SRM: variants seen among roughly 807,000 people sequenced by gnomAD.
SRM encodes the protein spermidine synthase.
Under a neutral mutation model 39.3 loss-of-function variants are expected in SRM, and 14 were observed. The observed-to-expected ratio is 0.36, with a 90% CI of 0.24 to 0.56. The LOEUF is 0.56. Among genes scored for constraint, SRM ranks in the 20% least tolerant of loss-of-function variants. The pLI is 0.86. For missense variants in SRM, 244 were observed against 409.2 expected (o/e 0.60, Z 3.48); for synonymous variants, 195 against 173.1 (o/e 1.13, Z -0.99).
At chr1:11,057,474 T>A (rs1557683260) in intron 3 of SRM, among the ~76,000 whole-genome samples, 1 of 148,450 alleles carries the variant, frequency 6.7e-6, no homozygotes, top group Non-Finnish European at 1.5e-5. Flanking sequence ...TTTTTTTTTT[T>A]TTTTATTTTT....
intron 3 of SRM, among the ~76,000 whole-genome samples, chr1:11,057,208 CT>C (rs1638894075): frequency 6.6e-6 from 1 of 152,104 alleles, no homozygotes; most frequent in South Asian, 2.1e-4. Context: ...ACTCTGGTAC[CT>C]CCATTTCTCC....
Position 11,059,981 on chromosome 1 carries a change from C to G in SRM, c.-38G>C. On this transcript the variant is annotated 5_prime_UTR_variant, in exon 1 of 8. Transcript: ENST00000376957. ...GGCGGCGCGGGGCGCGGGCCCGGGA[C>G]TGCAGGCCGCGCGGCGCCGCAGCAC... 1 of 961,996 alleles carries G rather than the reference C, an allele frequency of 1.0e-6. No individual in the cohort carries two copies. The highest frequency in any genetic ancestry group is 1.2e-6 in the Non-Finnish European group (1 of 810,814). The allele number at this position is 961,996 out of a possible 1,614,324, so 59.6% of individuals were successfully genotyped here. A position where few individuals can be genotyped will look rare whatever the true frequency, so the allele number is the denominator to read the frequency against.
intron 6 of SRM, chr1:11,055,347 G>A (rs1638854311): frequency 4.9e-6 from 2 of 405,044 alleles, no homozygotes; most frequent in Admixed American, 8.7e-5. Flanking sequence ...GACCTCAAGT[G>A]ATCCGCCCAC....
intron 1 of SRM, chr1:11,059,563 A>C (rs1638940380): frequency 5.4e-6 from 5 of 924,572 alleles, no homozygotes; most frequent in Admixed American, 2.9e-5. Context: ...GAGGGCTGAC[A>C]CGTGGAGCGG....
At position 11,059,932 on chromosome 1, in the gene SRM, G is replaced by C. The variant is rs1638952664; in HGVS notation, c.12C>G (p.Gly4=). 1.7e-6 allele frequency: 2 copies of C among 1,194,038 alleles called. No homozygotes were observed. The highest frequency in any genetic ancestry group is 2.1e-6 in the Non-Finnish European group (2 of 965,632). 74.0% of individuals were successfully genotyped at this position (1,194,038 alleles called of 1,614,324 possible). A position where few individuals can be genotyped will look rare whatever the true frequency, so the allele number is the denominator to read the frequency against. Reference sequence around the variant, plus strand: ...GGCCGGAGGCGGCGGGGCCGTCGGGGCCGGGCTCCATGGCGGGCGGGCGGG... The same window carrying C: ...GGCCGGAGGCGGCGGGGCCGTCGGGCCCGGGCTCCATGGCGGGCGGGCGGG... The part of the protein sequence containing the change: MEP[G]PDGPAASGPA... Residue 4 remains glycine (G), a synonymous_variant, in exon 1 of 8, where the codon GGC becomes GGG. Coordinates refer to ENST00000376957, the MANE Select transcript of SRM (RefSeq NM_003132.3).
In SRM at chr1:11,059,894, C is replaced by T. The variant is rs1485589119; in HGVS notation, c.50G>A (p.Arg17His). 6 of 1,445,602 alleles carry T rather than the reference C, an allele frequency of 4.2e-6. No individual in the cohort carries two copies. The highest frequency in any genetic ancestry group is 4.0e-5 in the South Asian group (3 of 75,062). 89.5% of individuals were successfully genotyped at this position (1,445,602 alleles called of 1,614,324 possible). ...GCAGGTCTCGCGGAACCAGCCCTCG[C>T]GGATGGCGGCGGGGCCGGAGGCGGC... ...GPAASGPAAI[R>H]EGWFRETCSL... Residue 17 changes from arginine to histidine, a missense_variant, in exon 1 of 8, where the codon CGC becomes CAC. By Grantham distance (29) the Arg-to-His change is conservative. Transcript: ENST00000376957.
In SRM at chr1:11,054,949, G is replaced by T. The variant is rs767960416; in HGVS notation, c.888+13C>A. Reference sequence around the variant, plus strand: ...TCCCTGGGTCCCACCACCCAGCCCCGCAGGCCACCCACCTTGCGGGCAAAC... The same window carrying T: ...TCCCTGGGTCCCACCACCCAGCCCCTCAGGCCACCCACCTTGCGGGCAAAC... On this transcript the variant is annotated intron_variant, in intron 7 of 7. Coordinates refer to ENST00000376957, the MANE Select transcript of SRM (RefSeq NM_003132.3). This position sits in a 1 kb window ranked among gnomAD's most constrained non-coding sequence, Gnocchi z 4.8. 1.2e-6 allele frequency: 2 copies of T among 1,611,590 alleles called. No homozygotes were observed. The highest frequency in any genetic ancestry group is 1.9e-4 in the Middle Eastern group (1 of 5,144).
rs145615942 is a variant in SRM, at chr1:11,057,914, G to A, written c.381+886C>T. ...CCACCTCAGCCTCCCTAGTAGCTGG[G>A]TTTACAGACATGCACTACCATGCCC... On this transcript the variant is annotated intron_variant, in intron 3 of 7. Coordinates refer to ENST00000376957, the MANE Select transcript of SRM (RefSeq NM_003132.3). Among the ~76,000 whole-genome samples the A allele has an allele frequency of 4.3e-3, 653 of 152,172 alleles. 8 individuals carry two copies. Among genetic ancestry groups the A allele is most frequent in the African/African-American group, 0.012 (480 of 41,500 alleles).
rs1638867211 is a variant in SRM at position 11,055,802 on chromosome 1, G to A, written c.744C>T (p.Phe248=). Residue 248 remains phenylalanine, a synonymous_variant, in exon 6 of 8, where the codon TTC becomes TTT. Coordinates refer to ENST00000376957, the MANE Select transcript of SRM (RefSeq NM_003132.3). ...IPTYPSGQIG[F]MLCSKNPSTN... ...TCACCGGGTTCTTGCTGCACAGCATGAAGCCGATCTGGCCGCTGGGGTAGG... is the reference window on the plus strand; with the variant it reads ...TCACCGGGTTCTTGCTGCACAGCATAAAGCCGATCTGGCCGCTGGGGTAGG... 1.3e-6 allele frequency: 2 copies of A among 1,534,448 alleles called. No individual in the cohort carries two copies. The highest frequency in any genetic ancestry group is 1.8e-6 in the Non-Finnish European group (2 of 1,132,056).
chr1:11,054,992 G>C lies in SRM; in HGVS notation c.858C>G (p.Ala286=). The change falls in exon 7 of 8, where the codon GCC becomes GCG. Residue 286 remains alanine (A), a synonymous_variant. Coordinates refer to ENST00000376957, the MANE Select transcript of SRM (RefSeq NM_003132.3). This position sits in a 1 kb window ranked among gnomAD's most constrained non-coding sequence, Gnocchi z 4.8. ...GGGCAAACTCGGGCAGCACAAAGGC[G>C]GCGCGGTGCACGTCGGAGTTGTAGT... The part of the protein sequence containing the change: ...LKYYNSDVHR[A]AFVLPEFARK... The C allele has an allele frequency of 6.2e-7, 1 of 1,612,646 alleles. No homozygotes were observed. Among genetic ancestry groups the C allele is most frequent in the Non-Finnish European group, 8.5e-7 (1 of 1,179,918 alleles).
intron 2 of SRM, 48 bp from the exon 3 acceptor site, chr1:11,058,940 C>A: frequency 6.6e-7 from 1 of 1,515,620 alleles, no homozygotes; most frequent in Admixed American, 2.1e-5. Context: ...GGACTGGGAG[C>A]CCCCAGGCCC....
chr1:11,057,762 C>G (rs900652934), intron 3 of SRM, among the ~76,000 whole-genome samples: 8 of 151,484 alleles, frequency 5.3e-5, no homozygotes, highest in Admixed American at 5.3e-4. Flanking sequence ...TCAGACCATC[C>G]TTTGATGTCT....
intron 6 of SRM, chr1:11,055,288 G>A (rs1179909843): frequency 4.7e-6 from 3 of 644,612 alleles, no homozygotes; most frequent in African/African-American, 3.9e-5. Flanking sequence ...TTTGTATTTT[G>A]AGTAGTGATG....
Position 11,056,642 on chromosome 1 carries a change from G to C in SRM, c.497C>G (p.Ala166Gly). ...GGAGTCAGTGATGATCACGTCGAAG[G>C]CATCCTGATTCTGTTTCATGAACTC... Reference protein sequence around the residue: ...GFEFMKQNQDAFDVIITDSSD... With the variant: ...GFEFMKQNQDGFDVIITDSSD... Residue 166 changes from alanine to glycine, a missense_variant, in exon 4 of 8, where the codon GCC becomes GGC. By Grantham distance (60) the Ala-to-Gly change is moderately conservative (BLOSUM62 0). Transcript: ENST00000376957. 2 of 1,614,172 alleles carry C rather than the reference G, an allele frequency of 1.2e-6. No homozygotes were observed. The highest frequency in any genetic ancestry group is 1.7e-6 in the Non-Finnish European group (2 of 1,180,034).
At chr1:11,055,710 C>A (rs1018374460) in intron 6 of SRM, 71 bp downstream of exon 6, 17 of 1,491,964 alleles carry the variant, frequency 1.1e-5, no homozygotes, top group East Asian at 2.5e-5. Context: ...CCACCGCGCC[C>A]GGCAGGGGCA....
chr1:11,059,277 TAGG>T lies in SRM; in HGVS notation c.233_235del (p.Ser78del). Reference sequence around the variant, plus strand: ...AGGCAGGTTGGCGATCATCTCCTGGTAGGAGAACTCGTCTCTCTCCGTGCACTG... The same window carrying T: ...AGGCAGGTTGGCGATCATCTCCTGGTAGAACTCGTCTCTCTCCGTGCACTG... On this transcript the variant is annotated inframe_deletion, in exon 2 of 8. Transcript: ENST00000376957. The T allele has an allele frequency of 6.2e-7, 1 of 1,613,552 alleles. No individual in the cohort carries two copies. Among genetic ancestry groups the T allele is most frequent in the Non-Finnish European group, 8.5e-7 (1 of 1,179,968 alleles).
At chr1:11,058,632 G>A (rs574405664) in intron 3 of SRM, 168 bp downstream of exon 3, 173 of 521,740 alleles carry the variant, frequency 3.3e-4, no homozygotes, top group African/African-American at 3.1e-3. Flanking sequence ...CTCACCACCT[G>A]CCAGGCCCTC....
chr1:11,055,561 C>T (rs942957582), intron 6 of SRM, among the ~76,000 whole-genome samples: 2 of 152,026 alleles, frequency 1.3e-5, no homozygotes, highest in Non-Finnish European at 1.5e-5. Context: ...ACTACAGGCG[C>T]GCGCTGCCAT....
chr1:11,057,341 GAC>G (rs1173687267), intron 3 of SRM, among the ~76,000 whole-genome samples: 2 of 144,620 alleles, frequency 1.4e-5, no homozygotes, highest in East Asian at 4.3e-4. Context: ...TATTTTTCGA[GAC>G]AGTCTTGCTC....
Sources: gnomAD v4.1 joint callset for allele counts (sites outside exome capture counted in the v4.1 genomes callset) on GRCh38, gnomAD v4.1.1 for gene constraint, Gnocchi (gnomAD v3.1) non-coding constraint, MANE v1.5 for transcripts, NCBI Gene and HGNC (gene_info 2026-07-23, HGNC 2026-07-21) for gene names.